Variants in ZNF708 observed in about 807,000 individuals in gnomAD.
ZNF708 encodes the protein ZNF15, ZNF15L1.
A neutral mutation model predicts 47.0 loss-of-function variants in ZNF708; 44 were observed. The ratio of observed to expected loss-of-function variants is 0.94; its 90% CI spans 0.74 to 1.20. The LOEUF (loss-of-function observed/expected upper bound fraction) is 1.20. Ranked by LOEUF, ZNF708 falls within the 50% of genes most tolerant of loss-of-function variation. ZNF708 has a pLI of 0.00. For missense variants in ZNF708, 557 were observed against 656.0 expected, an observed-to-expected ratio of 0.85 and a Z score of 1.65; for synonymous variants, 184 against 218.5, an observed-to-expected ratio of 0.84 and a Z score of 1.39.
At chr19:21,294,867 G>A in intron 3 of ZNF708, 128 bp from the exon 4 acceptor site, 2 of 925,304 alleles carry the variant, frequency 2.2e-6, no homozygotes, top group Non-Finnish European at 1.5e-6. Flanking sequence ...ATCCTTTATA[G>A]ACATATAAAT....
chr19:21,311,570 T>C (rs1386833519), intron 1 of ZNF708, among the ~76,000 whole-genome samples: 3 of 152,034 alleles, frequency 2.0e-5, no homozygotes, highest in Admixed American at 1.3e-4. Flanking sequence ...TAAACATATC[T>C]TTCCCGTTTT....
At chr19:21,325,151 A>C (rs1319976706) in intron 1 of ZNF708, among the ~76,000 whole-genome samples, 1 of 152,210 alleles carries the variant, frequency 6.6e-6, no homozygotes, top group Non-Finnish European at 1.5e-5. Context: ...TGCCAAAAGC[A>C]ATCTACAAAT....
chr19:21,302,281 TATAAA>T (rs1233079718), intron 3 of ZNF708, among the ~76,000 whole-genome samples: 1 of 152,144 alleles, frequency 6.6e-6, no homozygotes, highest in Non-Finnish European at 1.5e-5. Context: ...GAATATGAAA[TATAAA>T]ATATAAATCT....
At chr19:21,315,082 T>C (rs948734276) in intron 1 of ZNF708, among the ~76,000 whole-genome samples, 4 of 152,128 alleles carry the variant, frequency 2.6e-5, no homozygotes, top group Admixed American at 1.3e-4. Flanking sequence ...GCAGGTATAG[T>C]TGTGGTCATG....
chr19:21,317,139 G>T (rs1973031476), intron 1 of ZNF708, among the ~76,000 whole-genome samples: 1 of 151,890 alleles, frequency 6.6e-6, no homozygotes. Flanking sequence ...AATTAGCCAG[G>T]CATGGTGGTG....
In ZNF708 at chr19:21,292,955, A is replaced by G; in HGVS notation, c.*319T>C. ...TTTGTCACATTTTTCGCATTTTTAA[A>G]GTTCCTCACCAGTATGATTTATTTT... On this transcript the variant is annotated 3_prime_UTR_variant, in exon 4 of 4. Coordinates refer to ENST00000356929, the MANE Select transcript of ZNF708 (RefSeq NM_021269.3). 1 of 215,056 alleles carries G rather than the reference A, an allele frequency of 4.6e-6. No individual in the cohort carries two copies. The highest frequency in any genetic ancestry group is 1.1e-4 in the East Asian group (1 of 8,710). The allele number at this position is 215,056 out of a possible 1,614,324, so 13.3% of individuals were successfully genotyped here. A position where few individuals can be genotyped will look rare whatever the true frequency, so the allele number is the denominator to read the frequency against.
At chr19:21,298,333 A>T (rs563937303) in intron 3 of ZNF708, among the ~76,000 whole-genome samples, 2 of 152,304 alleles carry the variant, frequency 1.3e-5, no homozygotes, top group South Asian at 4.1e-4. Context: ...ACTTTCTGTG[A>T]CCAAAATGGA....
In ZNF708 at chr19:21,295,638, G is replaced by A. The variant is rs548083635; in HGVS notation, c.227-899C>T. On this transcript the variant is annotated intron_variant, in intron 3 of 3. Coordinates refer to ENST00000356929, the MANE Select transcript of ZNF708 (RefSeq NM_021269.3). ...CACATGCCTGTAATCCCAGCTACTC[G>A]GGAGGCTGAGGCAGGAGAATCGCTT... Among the ~76,000 whole-genome samples the A allele has an allele frequency of 2.7e-4, 41 of 152,114 alleles. 1 individual carries two copies. The South Asian group carries it at 7.5e-3, about 28-fold the overall frequency.
intron 1 of ZNF708, among the ~76,000 whole-genome samples, chr19:21,312,446 AGAGT>A (rs1380568956): frequency 2.6e-5 from 4 of 152,178 alleles, no homozygotes; most frequent in African/African-American, 9.7e-5. Flanking sequence ...CCTGGGAGAC[AGAGT>A]GAGACTCCAT....
intron 1 of ZNF708, among the ~76,000 whole-genome samples, chr19:21,324,800 A>C (rs11673234): frequency 0.16 from 23,660 of 152,112 alleles, 2,127 homozygotes; most frequent in Non-Finnish European, 0.21. Context: ...GCTTAAAACT[A>C]GGAAATCAAG....
At chr19:21,326,063 G>C (rs1453135265) in intron 1 of ZNF708, among the ~76,000 whole-genome samples, 3 of 152,160 alleles carry the variant, frequency 2.0e-5, no homozygotes, top group Admixed American at 6.5e-5. Flanking sequence ...TCAAGAAACA[G>C]TAGATGTTGG....
chr19:21,320,932 G>A (rs1973118390), intron 1 of ZNF708, among the ~76,000 whole-genome samples: 1 of 151,914 alleles, frequency 6.6e-6, no homozygotes, highest in African/African-American at 2.4e-5. Context: ...ACGAGGTCAG[G>A]AGATCGAGAC....
chr19:21,311,131 T>C (rs1380760572), intron 1 of ZNF708, among the ~76,000 whole-genome samples: 1 of 152,180 alleles, frequency 6.6e-6, no homozygotes, highest in Non-Finnish European at 1.5e-5. Flanking sequence ...AAGAATATTT[T>C]GTCAAACATC....
At chr19:21,316,992 G>T (rs962075937) in intron 1 of ZNF708, among the ~76,000 whole-genome samples, 37 of 151,666 alleles carry the variant, frequency 2.4e-4, no homozygotes, top group Non-Finnish European at 7.4e-5. Context: ...TCTCCATGTT[G>T]GTCAGGCTGG....
chr19:21,320,263 A>G (rs1175344523), intron 1 of ZNF708, among the ~76,000 whole-genome samples: 1 of 152,204 alleles, frequency 6.6e-6, no homozygotes, highest in Non-Finnish European at 1.5e-5. Flanking sequence ...CTTGGTATAT[A>G]CCCAAAGAAA....
intron 3 of ZNF708, chr19:21,306,874 G>A (rs1197555561): frequency 6.6e-6 from 1 of 151,726 alleles, no homozygotes; most frequent in Admixed American, 6.6e-5. Flanking sequence ...AACCCGGGAG[G>A]CGGAGGTTTC....
intron 1 of ZNF708, among the ~76,000 whole-genome samples, chr19:21,327,321 G>C (rs1009285491): frequency 2.0e-5 from 3 of 152,050 alleles, no homozygotes; most frequent in Non-Finnish European, 4.4e-5. Flanking sequence ...CCTGAGGTCT[G>C]GAGTTTGAGA....
intron 3 of ZNF708, among the ~76,000 whole-genome samples, chr19:21,303,815 T>C (rs529730904): frequency 3.2e-4 from 49 of 151,834 alleles, no homozygotes; most frequent in African/African-American, 8.2e-4. Context: ...GAGAACAAAA[T>C]TGATATTATA....
intron 1 of ZNF708, among the ~76,000 whole-genome samples, chr19:21,323,256 G>T (rs554232225): frequency 2.0e-5 from 3 of 152,122 alleles, no homozygotes; most frequent in Admixed American, 2.0e-4. Flanking sequence ...AGCAGACACC[G>T]ACTCTGCACA....
Sources: gnomAD v4.1 joint callset for allele counts (sites outside exome capture counted in the v4.1 genomes callset) on GRCh38, gnomAD v4.1.1 for gene constraint, MANE v1.5 for transcripts, NCBI Gene and HGNC (gene_info 2026-07-23, HGNC 2026-07-21) for gene names.